ZNF385D: variants seen among roughly 807,000 people sequenced by gnomAD.
ZNF385D encodes zinc finger protein 659.
ZNF385D carries 15 observed loss-of-function variants against 35.8 expected under a neutral mutation model. The ratio of observed to expected loss-of-function variants is 0.42; its 90% CI spans 0.28 to 0.64. The LOEUF (loss-of-function observed/expected upper bound fraction) is 0.64, where lower values mean the gene tolerates loss of function less well. Ranked by LOEUF, ZNF385D falls within the 30% of genes least tolerant of loss-of-function variation. ZNF385D has a pLI of 0.23. For missense variants in ZNF385D, 474 were observed against 494.6 expected, an observed-to-expected ratio of 0.96 and a Z score of 0.39; for synonymous variants, 212 against 186.8, an observed-to-expected ratio of 1.13 and a Z score of -1.10.
intron 2 of ZNF385D, among the ~76,000 whole-genome samples, chr3:22,211,896 T>G (rs1697548548): frequency 6.6e-6 from 1 of 152,044 alleles, no homozygotes; most frequent in African/African-American, 2.4e-5. Context: ...TGTTTTTAAT[T>G]CAACAATATG....
intron 3 of ZNF385D, among the ~76,000 whole-genome samples, chr3:22,042,208 G>T (rs1576212616): frequency 6.6e-6 from 1 of 152,128 alleles, no homozygotes; most frequent in East Asian, 1.9e-4. Flanking sequence ...TATGAAACTG[G>T]GAATCCTCTA....
intron 2 of ZNF385D, among the ~76,000 whole-genome samples, chr3:22,215,082 T>G (rs1050441133): frequency 1.3e-5 from 2 of 152,014 alleles, no homozygotes; most frequent in Non-Finnish European, 2.9e-5. Context: ...CGGCTGACAC[T>G]TAAGGAATAT....
At chr3:21,603,856 G>T (rs2064394602) in intron 2 of ZNF385D, among the ~76,000 whole-genome samples, 1 of 152,098 alleles carries the variant, frequency 6.6e-6, no homozygotes, top group African/African-American at 2.4e-5. Flanking sequence ...GGCATAAGGT[G>T]GACTATGCTT....
At chr3:21,952,703 T>C (rs180945755) in intron 3 of ZNF385D, among the ~76,000 whole-genome samples, 62 of 152,132 alleles carry the variant, frequency 4.1e-4, no homozygotes, top group African/African-American at 1.3e-3. Context: ...TTATTTCATA[T>C]AATTATGGAT....
intron 3 of ZNF385D, among the ~76,000 whole-genome samples, chr3:21,925,492 T>C (rs1628353): frequency 0.88 from 133,665 of 152,200 alleles, 58,796 homozygotes; most frequent in East Asian, 0.98. Context: ...TGGATTTAAA[T>C]GCATAATTCA....
intron 2 of ZNF385D, among the ~76,000 whole-genome samples, chr3:22,244,173 T>TA (rs1035664148): frequency 2.7e-5 from 4 of 150,388 alleles, no homozygotes; most frequent in African/African-American, 4.9e-5. Context: ...TAAGGGGATT[T>TA]AAAAAAAGCC....
At chr3:21,830,027 G>C (rs930655915) in intron 3 of ZNF385D, among the ~76,000 whole-genome samples, 2 of 152,012 alleles carry the variant, frequency 1.3e-5, no homozygotes, top group African/African-American at 2.4e-5. Context: ...GGGAGGCTGA[G>C]GCAGGAGAAT....
chr3:22,318,087 A>C (rs1703999651), intron 2 of ZNF385D, among the ~76,000 whole-genome samples: 1 of 151,976 alleles, frequency 6.6e-6, no homozygotes. Context: ...TGTGAATTAG[A>C]GTGCCAGTAC....
At chr3:21,471,502 A>G (rs1269332889) in intron 4 of ZNF385D, among the ~76,000 whole-genome samples, 1 of 152,118 alleles carries the variant, frequency 6.6e-6, no homozygotes, top group Non-Finnish European at 1.5e-5. Context: ...CCCAAAACAA[A>G]TAAGCAACTC....
intron 2 of ZNF385D, among the ~76,000 whole-genome samples, chr3:21,610,229 CA>C (rs1220003710): frequency 6.6e-6 from 1 of 151,776 alleles, no homozygotes; most frequent in Non-Finnish European, 1.5e-5. Flanking sequence ...TCTATTACAA[CA>C]AAGGACAAAC....
chr3:21,592,397 T>TAAAG lies in ZNF385D; in HGVS notation c.166-27714_166-27713insCTTT, dbSNP rs5847115. On this transcript the variant is annotated intron_variant, in intron 2 of 7. Transcript: ENST00000281523. ...TGAAAGGATACTACTTTTTGAATCATAAACAGCAAGAGAAACAAGTTAATG... is the reference window on the plus strand; with the variant it reads ...TGAAAGGATACTACTTTTTGAATCATAAAGAAACAGCAAGAGAAACAAGTTAATG... 2.8e-3 allele frequency among the ~76,000 whole-genome samples: 419 copies of TAAAG among 151,796 alleles called. 3 individuals are homozygous for TAAAG. The highest frequency in any genetic ancestry group is 0.011 in the East Asian group (54 of 5,116).
At chr3:22,341,950 T>A (rs1003394160) in intron 2 of ZNF385D, among the ~76,000 whole-genome samples, 1 of 152,154 alleles carries the variant, frequency 6.6e-6, no homozygotes, top group Admixed American at 6.5e-5. Flanking sequence ...GCCAAGTACA[T>A]AGTTAACACT....
intron 2 of ZNF385D, among the ~76,000 whole-genome samples, chr3:22,188,197 A>G (rs1230281327): frequency 1.3e-5 from 2 of 152,200 alleles, no homozygotes; most frequent in African/African-American, 4.8e-5. Flanking sequence ...GGACAAAGAC[A>G]AAGCATTAGA....
chr3:22,225,947 C>T (rs1309718079), intron 2 of ZNF385D, among the ~76,000 whole-genome samples: 1 of 152,142 alleles, frequency 6.6e-6, no homozygotes, highest in South Asian at 2.1e-4. Flanking sequence ...TTACAAAGAG[C>T]ACAGGAAGGT....
intron 2 of ZNF385D, among the ~76,000 whole-genome samples, chr3:22,206,237 G>A (rs1195008490): frequency 1.3e-5 from 2 of 151,844 alleles, no homozygotes; most frequent in Non-Finnish European, 2.9e-5. Context: ...TACAACAATT[G>A]TAAATATATA....
intron 3 of ZNF385D, among the ~76,000 whole-genome samples, chr3:22,071,378 A>AT (rs931547253): frequency 2.0e-5 from 3 of 152,066 alleles, no homozygotes; most frequent in Admixed American, 6.6e-5. Context: ...CAAGAAAGAG[A>AT]TTTTTCCAGA....
At chr3:21,731,112 CAG>C (rs1375056311) in intron 1 of ZNF385D, among the ~76,000 whole-genome samples, 3 of 152,036 alleles carry the variant, frequency 2.0e-5, no homozygotes, top group Admixed American at 6.5e-5. Context: ...TCATTTTGTG[CAG>C]AGTTTGCAAA....
chr3:21,472,089 C>T (rs1035203215), intron 4 of ZNF385D, among the ~76,000 whole-genome samples: 1 of 152,084 alleles, frequency 6.6e-6, no homozygotes, highest in Non-Finnish European at 1.5e-5. Flanking sequence ...AATAAATTCT[C>T]AAACTCAACT....
intron 3 of ZNF385D, among the ~76,000 whole-genome samples, chr3:22,119,793 C>G (rs752865566): frequency 6.6e-6 from 1 of 151,720 alleles, no homozygotes; most frequent in Non-Finnish European, 1.5e-5. Flanking sequence ...ATCTGATGAG[C>G]TTTTACTAGT....
Sources: gnomAD v4.1 joint callset for allele counts (sites outside exome capture counted in the v4.1 genomes callset) on GRCh38, gnomAD v4.1.1 for gene constraint, MANE v1.5 for transcripts, NCBI Gene and HGNC (gene_info 2026-07-23, HGNC 2026-07-21) for gene names.